Variants in USP4 observed in about 807,000 individuals in gnomAD.
The protein encoded by USP4 is ubiquitin specific peptidase 4, also known as ubiquitin carboxyl-terminal hydrolase 4.
In USP4, 72 loss-of-function variants were observed where a neutral mutation model predicts 118.2. That is an observed-to-expected ratio of 0.61 (90% CI 0.50 to 0.74). The LOEUF (loss-of-function observed/expected upper bound fraction) is 0.74. USP4 is among the 30% of genes least tolerant of loss of function. USP4 has a pLI of 0.00. For missense variants in USP4, 1,037 were observed against 1,185.7 expected (o/e 0.87, Z 1.84); for synonymous variants, 415 against 440.4 (o/e 0.94, Z 0.72).
chr3:49,315,178 ACTT>A (rs1391397737), intron 6 of USP4, among the ~76,000 whole-genome samples: 1 of 151,650 alleles, frequency 6.6e-6, no homozygotes, highest in African/African-American at 2.4e-5. Context: ...GGGAGGCTGA[ACTT>A]CTCTTTACAG....
At chr3:49,296,123 A>T (rs1218429066) in intron 13 of USP4, among the ~76,000 whole-genome samples, 2 of 151,396 alleles carry the variant, frequency 1.3e-5, no homozygotes, top group African/African-American at 4.9e-5. Context: ...CGAGGTCAGG[A>T]GATCGAGACC....
At chr3:49,283,198 T>A (rs977269812) in intron 19 of USP4, among the ~76,000 whole-genome samples, 1 of 150,350 alleles carries the variant, frequency 6.7e-6, no homozygotes, top group Non-Finnish European at 1.5e-5. Context: ...GCATTTTTAG[T>A]AGAGATGGGG....
intron 2 of USP4, among the ~76,000 whole-genome samples, chr3:49,329,404 G>A (rs1040300719): frequency 6.6e-6 from 1 of 151,960 alleles, no homozygotes; most frequent in African/African-American, 2.4e-5. Context: ...TTGTGTGTGT[G>A]TGTGGGCAGG....
At position 49,311,555 on chromosome 3, in the gene USP4, G is replaced by A. The variant is rs1361954617; in HGVS notation, c.795C>T (p.Ser265=). 2 of 1,613,796 alleles carry A rather than the reference G, an allele frequency of 1.2e-6. No individual in the cohort carries two copies. Among genetic ancestry groups the A allele is most frequent in the Non-Finnish European group, 1.7e-6 (2 of 1,179,880 alleles). The stretch of plus-strand genomic sequence containing the variant: ...AACTGTGCATCCCACAGGTGCTAGT[G>A]CTATCACCATTTGCAATGAGAGAGG... ...VSASLIANGD[S]TSTCGMHSSG... is the part of the protein sequence containing the mutation. The change falls in exon 7 of 22, where the codon AGC becomes AGT. Residue 265 remains serine (S), a synonymous_variant. Coordinates refer to ENST00000265560, the MANE Select transcript of USP4 (RefSeq NM_003363.4).
At chr3:49,327,989 A>G (rs986028107) in intron 2 of USP4, among the ~76,000 whole-genome samples, 173 bp from the exon 3 acceptor site, 2 of 152,174 alleles carry the variant, frequency 1.3e-5, no homozygotes, top group Non-Finnish European at 2.9e-5. Context: ...GTCTTTATCC[A>G]TGTTTTCTCT....
At chr3:49,321,613 A>T (rs979338292) in intron 6 of USP4, among the ~76,000 whole-genome samples, 1 of 151,992 alleles carries the variant, frequency 6.6e-6, no homozygotes, top group Admixed American at 6.6e-5. Context: ...GATTACAGGC[A>T]TGTGCCACTG....
intron 1 of USP4, among the ~76,000 whole-genome samples, chr3:49,338,593 G>A (rs1025292370): frequency 2.0e-5 from 3 of 149,006 alleles, no homozygotes; most frequent in Non-Finnish European, 3.0e-5. Context: ...ACATGGGAGG[G>A]GGAGGTTGCC....
chr3:49,317,017 C>A, intron 6 of USP4: 1 of 822,074 alleles, frequency 1.2e-6, no homozygotes. Context: ...AGAAGACGCT[C>A]TGTGGACAGA....
intron 6 of USP4, among the ~76,000 whole-genome samples, chr3:49,319,985 T>C (rs942650925): frequency 6.6e-6 from 1 of 151,598 alleles, no homozygotes; most frequent in African/African-American, 2.4e-5. Context: ...TGCACAATTA[T>C]AGCTCACTAC....
intron 6 of USP4, among the ~76,000 whole-genome samples, chr3:49,323,181 G>A (rs1270359254): frequency 6.7e-6 from 1 of 150,338 alleles, no homozygotes; most frequent in African/African-American, 2.5e-5. Context: ...TGGTCAGGCT[G>A]GTCTCAAACT....
In USP4 at chr3:49,278,862, A is replaced by G; in HGVS notation, c.2685T>C (p.Tyr895=). 2 of 1,613,164 alleles carry G rather than the reference A, an allele frequency of 1.2e-6. No individual in the cohort carries two copies. Among genetic ancestry groups the G allele is most frequent in the Non-Finnish European group, 1.7e-6 (2 of 1,179,636 alleles). ...GGGACACGTTGCTATCATCAAAGTA[A>G]TACCATTTACCATTCAGTTTGTTCT... is the stretch of plus-strand genomic sequence containing the variant. ...YAKNKLNGKW[Y]YFDDSNVSLA... The change falls in exon 21 of 22, where the codon TAT becomes TAC. Residue 895 remains tyrosine (Y), a synonymous_variant. Transcript: ENST00000265560.
intron 15 of USP4, 30 bp from the exon 16 acceptor site, chr3:49,286,355 A>G: frequency 6.3e-7 from 1 of 1,595,626 alleles, no homozygotes; most frequent in South Asian, 1.1e-5. Context: ...CAATATGTAT[A>G]TAATTTCCTA....
intron 3 of USP4, among the ~76,000 whole-genome samples, chr3:49,326,052 C>CA (rs1481378944): frequency 6.6e-6 from 1 of 152,164 alleles, no homozygotes; most frequent in Non-Finnish European, 1.5e-5. Context: ...TGTGGTGGCT[C>CA]ACGCTTGTAA....
chr3:49,317,004 T>A, intron 6 of USP4: 1 of 752,148 alleles, frequency 1.3e-6, no homozygotes, highest in South Asian at 1.6e-5. Context: ...GCTGCTGCCA[T>A]GAAGAAGACG....
chr3:49,283,740 C>G (rs546282651), intron 19 of USP4, among the ~76,000 whole-genome samples: 23 of 152,312 alleles, frequency 1.5e-4, no homozygotes, highest in African/African-American at 4.8e-4. Context: ...GAGAGGGAAA[C>G]TAGCAGTGGC....
At chr3:49,297,436 T>C (rs1282408515) in intron 13 of USP4, among the ~76,000 whole-genome samples, 2 of 152,164 alleles carry the variant, frequency 1.3e-5, no homozygotes, top group Non-Finnish European at 2.9e-5. Context: ...CATTTCTGCA[T>C]TGGGGATGGT....
chr3:49,309,751 C>CAAG, intron 8 of USP4, among the ~76,000 whole-genome samples: 1 of 148,838 alleles, frequency 6.7e-6, no homozygotes, highest in South Asian at 2.1e-4. Flanking sequence ...CTCAGCCTCC[C>CAAG]AAGAAGCTTG....
chr3:49,327,362 C>A (rs1205048324), intron 3 of USP4, among the ~76,000 whole-genome samples: 1 of 152,056 alleles, frequency 6.6e-6, no homozygotes, highest in Non-Finnish European at 1.5e-5. Flanking sequence ...ATGGCGAAAC[C>A]CCGTCTCTAC....
intron 17 of USP4, 71 bp from the exon 18 acceptor site, chr3:49,284,655 G>A: frequency 1.4e-6 from 2 of 1,409,470 alleles, no homozygotes; most frequent in Non-Finnish European, 2.0e-6. Flanking sequence ...AAGGCCTACA[G>A]AGGCTCTCCC....
Sources: allele counts gnomAD v4.1 joint callset (sites outside exome capture counted in the v4.1 genomes callset), GRCh38; gene constraint gnomAD v4.1.1; transcripts MANE v1.5; gene names NCBI Gene and HGNC (gene_info 2026-07-23, HGNC 2026-07-21).